PPM1D: variants seen among roughly 807,000 people sequenced by gnomAD.
PPM1D encodes protein phosphatase, Mg2+/Mn2+ dependent 1D, also known as protein phosphatase 1D.
In PPM1D, 52 loss-of-function variants were observed where a neutral mutation model predicts 58.3. The observed-to-expected ratio is 0.89, with a 90% CI of 0.71 to 1.12. The LOEUF is 1.12. Among genes scored for constraint, PPM1D ranks in the 50% most tolerant of loss-of-function variants. The probability of loss-of-function intolerance (pLI) is 0.00; values close to 1 mark genes in which losing one functional copy is unlikely to be tolerated. For missense variants in PPM1D, 564 were observed against 777.2 expected, an observed-to-expected ratio of 0.73 and a Z score of 3.26; for synonymous variants, 278 against 285.1, an observed-to-expected ratio of 0.98 and a Z score of 0.25.
chr17:60,648,920 C>G (rs2031296065), intron 4 of PPM1D, among the ~76,000 whole-genome samples: 1 of 151,740 alleles, frequency 6.6e-6, no homozygotes, highest in South Asian at 2.1e-4. Flanking sequence ...TGTGCCACCC[C>G]ACCCAGCTAA....
In PPM1D at chr17:60,663,945, T is replaced by C. The variant is rs1332791797; in HGVS notation, c.*393T>C. On this transcript the variant is annotated 3_prime_UTR_variant, in exon 6 of 6. Transcript: ENST00000305921. ...AAAAAATTTGTATAAGCCACTTGTC[T>C]TGAAAACTGTGCAACTTTTTAAAGT... 4.4e-5 allele frequency: 7 copies of C among 160,520 alleles called. No homozygotes were observed. The highest frequency in any genetic ancestry group is 9.7e-5 in the Non-Finnish European group (7 of 72,404). The allele number at this position is 160,520 out of a possible 1,614,324, so 9.9% of individuals were successfully genotyped here. A position where few individuals can be genotyped will look rare whatever the true frequency, so the allele number is the denominator to read the frequency against.
intron 3 of PPM1D, among the ~76,000 whole-genome samples, chr17:60,642,578 C>T (rs531737206): frequency 6.6e-6 from 1 of 152,056 alleles, no homozygotes; most frequent in Admixed American, 6.5e-5. Flanking sequence ...CCTGCCCGAG[C>T]CTCTCGAGTA....
At chr17:60,610,603 A>G (rs2030434967) in intron 1 of PPM1D, among the ~76,000 whole-genome samples, 2 of 152,204 alleles carry the variant, frequency 1.3e-5, no homozygotes, top group South Asian at 4.1e-4. Context: ...GCTACCACCA[A>G]TTTTTGTAGA....
intron 3 of PPM1D, among the ~76,000 whole-genome samples, chr17:60,642,352 ATTTTT>A (rs760188816): frequency 3.2e-5 from 4 of 124,874 alleles, no homozygotes; most frequent in South Asian, 2.6e-4. Flanking sequence ...AGAAGAATGG[ATTTTT>A]TTTTTTTTTT....
At chr17:60,640,148 C>T (rs986517031) in intron 3 of PPM1D, among the ~76,000 whole-genome samples, 2 of 152,046 alleles carry the variant, frequency 1.3e-5, no homozygotes, top group Admixed American at 6.6e-5. Context: ...GCGAAATCTC[C>T]CCTCTACAAA....
At chr17:60,661,359 G>A (rs1171249514) in intron 5 of PPM1D, among the ~76,000 whole-genome samples, 1 of 151,436 alleles carries the variant, frequency 6.6e-6, no homozygotes, top group Non-Finnish European at 1.5e-5. Context: ...ATTTGATTGA[G>A]AGTCCACTTG....
chr17:60,625,158 A>C (rs1331360553), intron 2 of PPM1D, among the ~76,000 whole-genome samples: 3 of 149,218 alleles, frequency 2.0e-5, no homozygotes, highest in African/African-American at 5.2e-5. Context: ...AAATAAAAAT[A>C]AAATAAAATA....
chr17:60,639,632 T>G (rs1045993991), intron 3 of PPM1D, among the ~76,000 whole-genome samples: 1 of 152,094 alleles, frequency 6.6e-6, no homozygotes, highest in African/African-American at 2.4e-5. Context: ...CAGACGGGGT[T>G]TCACCATGTT....
chr17:60,658,923 G>T (rs766342539), intron 5 of PPM1D, among the ~76,000 whole-genome samples: 7 of 152,160 alleles, frequency 4.6e-5, no homozygotes, highest in Non-Finnish European at 8.8e-5. Context: ...TCGCGTTGCA[G>T]CACTCCAGCC....
intron 5 of PPM1D, among the ~76,000 whole-genome samples, chr17:60,657,318 A>G (rs1203158214): frequency 2.6e-5 from 4 of 152,178 alleles, no homozygotes; most frequent in African/African-American, 9.7e-5. Context: ...CTTTATTCCT[A>G]TTTCTTATCC....
At chr17:60,640,974 G>T (rs533277223) in intron 3 of PPM1D, among the ~76,000 whole-genome samples, 8 of 151,510 alleles carry the variant, frequency 5.3e-5, no homozygotes, top group Non-Finnish European at 1.2e-4. Flanking sequence ...TAGTGTGTAT[G>T]TACCATATTT....
chr17:60,631,355 T>C (rs1407888342), intron 2 of PPM1D, among the ~76,000 whole-genome samples: 1 of 151,994 alleles, frequency 6.6e-6, no homozygotes, highest in Non-Finnish European at 1.5e-5. Context: ...AAAGGGATGG[T>C]AGGCTGGGCA....
chr17:60,600,360 C>T lies in PPM1D; in HGVS notation c.-55C>T, dbSNP rs546893636. The T allele has an allele frequency of 4.6e-6, 7 of 1,535,788 alleles. No homozygotes were observed. Among genetic ancestry groups the T allele is most frequent in the East Asian group, 2.5e-5 (1 of 39,782 alleles). Reference sequence around the variant, plus strand: ...GGCCGGCGAGCGCCTAGTGTGTCTCCCGCCGCCGGATTCGGCGGGCTGCGT... The same window carrying T: ...GGCCGGCGAGCGCCTAGTGTGTCTCTCGCCGCCGGATTCGGCGGGCTGCGT... On this transcript the variant is annotated 5_prime_UTR_variant, in exon 1 of 6. Transcript: ENST00000305921.
intron 3 of PPM1D, among the ~76,000 whole-genome samples, chr17:60,636,671 T>C (rs1598407544): frequency 6.6e-6 from 1 of 151,930 alleles, no homozygotes; most frequent in East Asian, 1.9e-4. Context: ...GTAACAAATG[T>C]AAGGGTTCTC....
chr17:60,663,401 G>A lies in PPM1D; in HGVS notation c.1667G>A (p.Ser556Asn). The A allele has an allele frequency of 6.2e-7, 1 of 1,614,176 alleles. No individual in the cohort carries two copies. ...LMKKHRRNGL[S>N]RSSGAQPASL... ...AAGAAGCATAGACGAAATGGCTTAAGTCGAAGTAGTGGTGCTCAGCCTGCA... is the reference window on the plus strand; with the variant it reads ...AAGAAGCATAGACGAAATGGCTTAAATCGAAGTAGTGGTGCTCAGCCTGCA... Residue 556 changes from serine (S) to asparagine (N), a missense_variant, in exon 6 of 6, where the codon AGT (serine) becomes AAT (asparagine). Physicochemically the swap from Ser to Asn is conservative, Grantham distance 46 (BLOSUM62 1). Around this residue, in one of 7 missense-constraint regions of PPM1D, gnomAD observed 261 missense variants for 270.1 expected, o/e 0.97. Coordinates refer to ENST00000305921, the MANE Select transcript of PPM1D (RefSeq NM_003620.4).
intron 1 of PPM1D, among the ~76,000 whole-genome samples, chr17:60,615,496 AAAAATT>A (rs897052219): frequency 1.2e-4 from 19 of 152,094 alleles, no homozygotes; most frequent in Admixed American, 1.1e-3. Flanking sequence ...ATGTCATTAA[AAAAATT>A]AAAATATAAA....
intron 4 of PPM1D, among the ~76,000 whole-genome samples, chr17:60,654,700 A>G (rs1293099954): frequency 2.6e-5 from 4 of 151,594 alleles, no homozygotes; most frequent in Admixed American, 6.6e-5. Context: ...CGTCTCTACT[A>G]AAAATACAAA....
Position 60,664,166 on chromosome 17 carries a change from T to TA in PPM1D, c.*615dup, listed in dbSNP as rs1401996560. 1.9e-4 allele frequency: 29 copies of TA among 152,896 alleles called. No homozygotes were observed. The highest frequency in any genetic ancestry group is 6.5e-4 in the African/African-American group (27 of 41,596). 9.5% of individuals were successfully genotyped at this position (152,896 alleles called of 1,614,324 possible). The stretch of plus-strand genomic sequence containing the variant: ...AATTAAAATACTATGCAGTATCTCT[T>TA]ACATCAGTAGCATTTTTCTAAAACC... On this transcript the variant is annotated 3_prime_UTR_variant, in exon 6 of 6. Transcript: ENST00000305921.
intron 4 of PPM1D, among the ~76,000 whole-genome samples, chr17:60,651,543 G>A (rs950255115): frequency 6.6e-5 from 10 of 151,684 alleles, no homozygotes; most frequent in South Asian, 4.2e-4. Flanking sequence ...GACTACAGGC[G>A]CGCGCCACCA....
Sources: gnomAD v4.1 joint callset for allele counts (sites outside exome capture counted in the v4.1 genomes callset) on GRCh38, gnomAD v4.1.1 for gene constraint, gnomAD v4.1.1 regional missense constraint, MANE v1.5 for transcripts, NCBI Gene and HGNC (gene_info 2026-07-23, HGNC 2026-07-21) for gene names.